LRRC8C: variants seen among roughly 807,000 people sequenced by gnomAD.
The protein encoded by LRRC8C is leucine rich repeat containing 8 VRAC subunit C.
A neutral mutation model predicts 55.3 loss-of-function variants in LRRC8C; 20 were observed. The ratio of observed to expected loss-of-function variants is 0.36; its 90% CI spans 0.25 to 0.53. The LOEUF is 0.53. Among genes scored for constraint, LRRC8C ranks in the 20% least tolerant of loss-of-function variants. LRRC8C has a pLI of 0.92. For missense variants in LRRC8C, 659 were observed against 951.4 expected (o/e 0.69, Z 4.04); for synonymous variants, 376 against 360.7 (o/e 1.04, Z -0.48).
chr1:89,632,801 G>C (rs945381652), upstream of LRRC8C: 1 of 152,340 alleles, frequency 6.6e-6, no homozygotes, highest in Non-Finnish European at 1.5e-5. Context: ...CGTCTCAGGG[G>C]TGGGAGTGGC....
intron 1 of LRRC8C, among the ~76,000 whole-genome samples, chr1:89,651,151 T>C (rs774722585): frequency 6.6e-6 from 1 of 152,210 alleles, no homozygotes; most frequent in Admixed American, 6.5e-5. Flanking sequence ...CTGAGAACCA[T>C]TGCAACAGGA....
chr1:89,641,544 T>C (rs941387456), intron 1 of LRRC8C, among the ~76,000 whole-genome samples: 2 of 152,184 alleles, frequency 1.3e-5, no homozygotes, highest in South Asian at 2.1e-4. Context: ...CTGTTGCTGA[T>C]CAAGTTAGAA....
At chr1:89,670,302 A>G (rs1406267574) in intron 1 of LRRC8C, among the ~76,000 whole-genome samples, 2 of 151,932 alleles carry the variant, frequency 1.3e-5, no homozygotes, top group African/African-American at 4.8e-5. Flanking sequence ...TTAGCGTTAA[A>G]CCTCGCATTT....
In LRRC8C at chr1:89,665,752, C is replaced by A. The variant is rs141895674; in HGVS notation, c.-4-20718C>A. Among the ~76,000 whole-genome samples, 11 of 152,162 alleles carry A rather than the reference C, an allele frequency of 7.2e-5. No homozygotes were observed. The East Asian group carries it at 2.1e-3, about 29-fold the overall frequency. On this transcript the variant is annotated intron_variant, in intron 1 of 2. Transcript: ENST00000370454. ...AGGTGTACAGTGTTTATTATAAAGT[C>A]TACGGCAGTGCAAAGTAACATCCTA...
chr1:89,676,961 G>A (rs1236976432), intron 1 of LRRC8C, among the ~76,000 whole-genome samples: 1 of 152,166 alleles, frequency 6.6e-6, no homozygotes, highest in Non-Finnish European at 1.5e-5. Context: ...GAGGGAAAAA[G>A]CAGCTACTGA....
intron 2 of LRRC8C, among the ~76,000 whole-genome samples, chr1:89,700,937 T>C (rs529790626): frequency 6.6e-6 from 1 of 152,320 alleles, no homozygotes; most frequent in African/African-American, 2.4e-5. Flanking sequence ...ACCTATTTTA[T>C]CATACACTGC....
chr1:89,657,725 G>A (rs1656989947), intron 1 of LRRC8C, among the ~76,000 whole-genome samples: 1 of 121,758 alleles, frequency 8.2e-6, no homozygotes, highest in African/African-American at 3.1e-5. Flanking sequence ...GGGTGACAGA[G>A]TGAGACTCTG....
intron 1 of LRRC8C, among the ~76,000 whole-genome samples, chr1:89,667,593 T>C (rs1278133234): frequency 2.0e-5 from 3 of 152,114 alleles, no homozygotes; most frequent in Non-Finnish European, 2.9e-5. Flanking sequence ...AGAGCAGTAA[T>C]AGAGCTACTT....
intron 1 of LRRC8C, among the ~76,000 whole-genome samples, chr1:89,666,249 C>A (rs183622798): frequency 2.9e-4 from 44 of 151,960 alleles, no homozygotes; most frequent in Non-Finnish European, 6.0e-4. Flanking sequence ...ATGGTAGGTC[C>A]CTGGAAGTTG....
chr1:89,629,126 A>G (rs536768724), upstream of LRRC8C, among the ~76,000 whole-genome samples: 2 of 152,154 alleles, frequency 1.3e-5, no homozygotes, highest in African/African-American at 2.4e-5. Flanking sequence ...GGAAGGTTTT[A>G]TTTTTCCCTG....
At chr1:89,686,746 A>G in intron 2 of LRRC8C, 135 bp downstream of exon 2, 1 of 1,005,586 alleles carries the variant, frequency 9.9e-7, no homozygotes, top group Non-Finnish European at 1.4e-6. Flanking sequence ...ATTTGTAATC[A>G]TAGCAGAGAA....
At chr1:89,672,113 AAAC>A (rs1157960896) in intron 1 of LRRC8C, among the ~76,000 whole-genome samples, 1 of 152,224 alleles carries the variant, frequency 6.6e-6, no homozygotes, top group African/African-American at 2.4e-5. Context: ...GGGGAAAAAC[AAAC>A]AACAAAAAAA....
chr1:89,624,168 T>G, the LRRC8C span, among the ~76,000 whole-genome samples: 2 of 152,200 alleles, frequency 1.3e-5, no homozygotes, highest in Admixed American at 6.6e-5. Context: ...TTATGAGCAG[T>G]AAGTATGCTT....
At chr1:89,640,973 T>C (rs1486043638) in intron 1 of LRRC8C, among the ~76,000 whole-genome samples, 1 of 152,206 alleles carries the variant, frequency 6.6e-6, no homozygotes, top group Non-Finnish European at 1.5e-5. Context: ...GTACATTGAA[T>C]AAAACCAAGC....
At chr1:89,693,037 C>G (rs987976733) in intron 2 of LRRC8C, among the ~76,000 whole-genome samples, 4 of 152,050 alleles carry the variant, frequency 2.6e-5, no homozygotes, top group African/African-American at 7.2e-5. Flanking sequence ...GGGGACCTGC[C>G]TTGTGATTGT....
upstream of LRRC8C, among the ~76,000 whole-genome samples, chr1:89,630,787 C>T (rs1656086341): frequency 6.6e-6 from 1 of 152,192 alleles, no homozygotes; most frequent in Non-Finnish European, 1.5e-5. Context: ...TTACAGAGAG[C>T]TTGCTAAGTG....
intron 2 of LRRC8C, among the ~76,000 whole-genome samples, chr1:89,689,731 A>G (rs1657977550): frequency 6.6e-6 from 1 of 152,146 alleles, no homozygotes; most frequent in Non-Finnish European, 1.5e-5. Flanking sequence ...ACCTGGGGTC[A>G]GGAGTTCGAG....
Position 89,713,591 on chromosome 1 carries a change from C to T in LRRC8C, c.1021C>T (p.Leu341=), listed in dbSNP as rs757110149. The change falls in exon 3 of 3, where the codon CTG becomes TTG. Residue 341 remains leucine, a synonymous_variant. Transcript: ENST00000370454. This position sits in a 1 kb window ranked among gnomAD's most constrained non-coding sequence, Gnocchi z 5.2. ...GACGTGCCTTTATACCTTATACTGG[C>T]TGTTCTACCGTTCTCTACGGGAATA... The part of the protein sequence containing the change: ...GLTCLYTLYW[L]FYRSLREYSF... 15 of 1,614,060 alleles carry T rather than the reference C, an allele frequency of 9.3e-6. No individual in the cohort carries two copies. The highest frequency in any genetic ancestry group is 1.2e-5 in the Non-Finnish European group (14 of 1,180,036).
chr1:89,678,427 A>G (rs1286018244), intron 1 of LRRC8C, among the ~76,000 whole-genome samples: 1 of 152,218 alleles, frequency 6.6e-6, no homozygotes, highest in East Asian at 1.9e-4. Flanking sequence ...AAGGCCGGGC[A>G]TGGTGGCCCC....
Sources: gnomAD v4.1 joint callset for allele counts (sites outside exome capture counted in the v4.1 genomes callset) on GRCh38, gnomAD v4.1.1 for gene constraint, Gnocchi (gnomAD v3.1) non-coding constraint, MANE v1.5 for transcripts, NCBI Gene and HGNC (gene_info 2026-07-23, HGNC 2026-07-21) for gene names.